SAMD4A: variants seen among roughly 807,000 people sequenced by gnomAD.
The protein encoded by SAMD4A is protein Smaug homolog 1.
SAMD4A carries 33 observed loss-of-function variants against 81.3 expected under a neutral mutation model. That is an observed-to-expected ratio of 0.41 (90% CI 0.31 to 0.54). The LOEUF (loss-of-function observed/expected upper bound fraction) is 0.54. Among genes scored for constraint, SAMD4A ranks in the 20% least tolerant of loss-of-function variants. The pLI is 0.37. For missense variants in SAMD4A, 854 were observed against 951.1 expected (o/e 0.90, Z 1.34); for synonymous variants, 389 against 382.1 (o/e 1.02, Z -0.21).
intron 2 of SAMD4A, among the ~76,000 whole-genome samples, chr14:54,605,070 T>G (rs2034162507): frequency 6.6e-6 from 1 of 152,238 alleles, no homozygotes; most frequent in South Asian, 2.1e-4. Context: ...ATCTTACTGC[T>G]TGGAAACTGA....
rs1594952263 is a variant in SAMD4A, at chr14:54,792,441, T to C, written c.*3497T>C. ...GTTCTTCTGCACCTCTTGTAGCTAC[T>C]GCCGGTGCAAGGTTGTAGATGTTAT... is the stretch of plus-strand genomic sequence containing the variant. On this transcript the variant is annotated 3_prime_UTR_variant, in exon 13 of 13. Coordinates refer to ENST00000554335, the MANE Select transcript of SAMD4A (RefSeq NM_015589.6). 6.6e-6 allele frequency: 1 copy of C among 152,116 alleles called. No individual in the cohort carries two copies. The highest frequency in any genetic ancestry group is 1.9e-4 in the East Asian group (1 of 5,190). The allele number at this position is 152,116 out of a possible 1,614,324, so 9.4% of individuals were successfully genotyped here.
chr14:54,751,173 G>A (rs770910316), intron 5 of SAMD4A, among the ~76,000 whole-genome samples: 5 of 152,200 alleles, frequency 3.3e-5, no homozygotes, highest in Admixed American at 6.5e-5. Flanking sequence ...AGAGAATCAC[G>A]TGAGCCCAGG....
intron 3 of SAMD4A, among the ~76,000 whole-genome samples, chr14:54,725,410 C>A (rs1226628797): frequency 1.3e-5 from 2 of 152,130 alleles, no homozygotes; most frequent in African/African-American, 4.8e-5. Context: ...AAGATTCTTA[C>A]CAGGAAAAGC....
At position 54,776,378 on chromosome 14, in the gene SAMD4A, T is replaced by C. The variant is rs201786251; in HGVS notation, c.1918-36T>C. ...GCTCTGCTCTCCACCCCAGTGGGGC[T>C]GAACTAACAAGTTCCCCTTTTGCTT... On this transcript the variant is annotated intron_variant, in intron 10 of 12. Coordinates refer to ENST00000554335, the MANE Select transcript of SAMD4A (RefSeq NM_015589.6). 239 of 1,579,110 alleles carry C rather than the reference T, an allele frequency of 1.5e-4. 2 individuals carry two copies. In the African/African-American group the frequency reaches 2.7e-3, roughly 18 times the overall value.
chr14:54,647,337 A>C (rs1226794723), intron 2 of SAMD4A, among the ~76,000 whole-genome samples: 3 of 152,182 alleles, frequency 2.0e-5, no homozygotes, highest in Non-Finnish European at 1.5e-5. Flanking sequence ...ACCAATACTT[A>C]AACTGAGGAT....
intron 9 of SAMD4A, among the ~76,000 whole-genome samples, chr14:54,771,859 C>T (rs1013309211): frequency 2.6e-5 from 4 of 152,286 alleles, no homozygotes; most frequent in Admixed American, 6.5e-5. Flanking sequence ...GTCATTGGTC[C>T]ACATCCGAGA....
At chr14:54,759,832 C>T (rs1435210299) in intron 6 of SAMD4A, among the ~76,000 whole-genome samples, 1 of 152,172 alleles carries the variant, frequency 6.6e-6, no homozygotes, top group Non-Finnish European at 1.5e-5. Context: ...AAGCATGTGA[C>T]TGTAATATGT....
In SAMD4A at chr14:54,596,615, G is replaced by A. The variant is rs139631526; in HGVS notation, c.196+28503G>A. ...AAAGAAAACAAGGAAAGAACTATAG[G>A]AAGGGCCTTCTCTCCTAGGAGCTGA... On this transcript the variant is annotated intron_variant, in intron 2 of 12. Coordinates refer to ENST00000554335, the MANE Select transcript of SAMD4A (RefSeq NM_015589.6). 5.9e-5 allele frequency among the ~76,000 whole-genome samples: 9 copies of A among 152,060 alleles called. No individual in the cohort carries two copies. The East Asian group carries it at 1.2e-3, about 20-fold the overall frequency.
rs80232236 is a variant in SAMD4A at position 54,751,706 on chromosome 14, G to C, written c.1176+169G>C. On this transcript the variant is annotated intron_variant, in intron 6 of 12. Coordinates refer to ENST00000554335, the MANE Select transcript of SAMD4A (RefSeq NM_015589.6). ...TTGAAGTGAAACTTCCTGGTTGCAC[G>C]TGCTTCTTTGAAAGCTGATGCCTCA... Among the ~76,000 whole-genome samples the C allele has an allele frequency of 3.5e-3, 535 of 152,322 alleles. 2 individuals carry two copies. The highest frequency in any genetic ancestry group is 0.013 in the African/African-American group (520 of 41,566).
chr14:54,675,759 C>T lies in SAMD4A; in HGVS notation c.197-26303C>T, dbSNP rs983836853. Among the ~76,000 whole-genome samples, 3 of 152,194 alleles carry T rather than the reference C, an allele frequency of 2.0e-5. No homozygotes were observed. In the East Asian group the frequency reaches 5.8e-4, roughly 29 times the overall value. On this transcript the variant is annotated intron_variant, in intron 2 of 12. Transcript: ENST00000554335. ...TTTTGAAAGTGAGGCGAGAGTCACCCTGCAGTACAAATGAGCTTGCCATAA... is the reference window on the plus strand; with the variant it reads ...TTTTGAAAGTGAGGCGAGAGTCACCTTGCAGTACAAATGAGCTTGCCATAA...
chr14:54,743,444 A>C, intron 4 of SAMD4A, among the ~76,000 whole-genome samples: 1 of 152,180 alleles, frequency 6.6e-6, no homozygotes. Context: ...CCCAAATTCG[A>C]AAAGTCCTGA....
chr14:54,771,825 C>T (rs1182866904), intron 9 of SAMD4A, among the ~76,000 whole-genome samples: 1 of 152,184 alleles, frequency 6.6e-6, no homozygotes, highest in East Asian at 1.9e-4. Context: ...AAAGTCCCAC[C>T]CTGGCCTCTG....
At chr14:54,715,171 C>G (rs1410898038) in intron 3 of SAMD4A, among the ~76,000 whole-genome samples, 1 of 151,926 alleles carries the variant, frequency 6.6e-6, no homozygotes, top group African/African-American at 2.4e-5. Context: ...GAAGTGTGAC[C>G]AGTCCCAAGA....
At position 54,793,263 on chromosome 14, in the gene SAMD4A, A is replaced by G. The variant is rs2039289449; in HGVS notation, c.*4319A>G. On this transcript the variant is annotated 3_prime_UTR_variant, in exon 13 of 13. Coordinates refer to ENST00000554335, the MANE Select transcript of SAMD4A (RefSeq NM_015589.6). Reference sequence around the variant, plus strand: ...AAGAATCATGGCTATATTTCATATCAACGTTATATTGAAAGTGAAGGGAAA... The same window carrying G: ...AAGAATCATGGCTATATTTCATATCGACGTTATATTGAAAGTGAAGGGAAA... The G allele has an allele frequency of 6.6e-6, 1 of 152,218 alleles. No homozygotes were observed. Among genetic ancestry groups the G allele is most frequent in the South Asian group, 2.1e-4 (1 of 4,828 alleles). 9.4% of individuals were successfully genotyped at this position (152,218 alleles called of 1,614,324 possible). A position where few individuals can be genotyped will look rare whatever the true frequency, so the allele number is the denominator to read the frequency against.
At chr14:54,768,797 T>TGTAA (rs969682294) in intron 8 of SAMD4A, among the ~76,000 whole-genome samples, 5 of 152,206 alleles carry the variant, frequency 3.3e-5, no homozygotes, top group Non-Finnish European at 5.9e-5. Context: ...AGAAGGGGTT[T>TGTAA]GTAAGTCCTC....
chr14:54,727,473 G>A (rs952446512), intron 3 of SAMD4A, among the ~76,000 whole-genome samples: 2 of 152,090 alleles, frequency 1.3e-5, no homozygotes, highest in Admixed American at 1.3e-4. Context: ...ACAGGGGTGA[G>A]CCACCACACC....
At chr14:54,753,995 C>A (rs2038176761) in intron 6 of SAMD4A, among the ~76,000 whole-genome samples, 1 of 152,214 alleles carries the variant, frequency 6.6e-6, no homozygotes, top group Non-Finnish European at 1.5e-5. Flanking sequence ...ATAAGGATTT[C>A]ATTGCTAAGT....
chr14:54,598,839 T>C (rs1352818563), intron 2 of SAMD4A, among the ~76,000 whole-genome samples: 3 of 151,926 alleles, frequency 2.0e-5, no homozygotes, highest in African/African-American at 7.3e-5. Flanking sequence ...TCCACTCTCT[T>C]GTACAGGGTC....
At chr14:54,629,123 T>C (rs956771495) in intron 2 of SAMD4A, among the ~76,000 whole-genome samples, 1 of 152,080 alleles carries the variant, frequency 6.6e-6, no homozygotes, top group Non-Finnish European at 1.5e-5. Flanking sequence ...GACAATGCCA[T>C]ATGAAGAGAG....
Sources: allele counts gnomAD v4.1 joint callset (sites outside exome capture counted in the v4.1 genomes callset), GRCh38; gene constraint gnomAD v4.1.1; transcripts MANE v1.5; gene names NCBI Gene and HGNC (gene_info 2026-07-23, HGNC 2026-07-21).